Variants in NBEA observed in about 807,000 individuals in gnomAD.
NBEA encodes the protein lysosomal-trafficking regulator 2.
NBEA carries 44 observed loss-of-function variants against 343.4 expected under a neutral mutation model. The ratio of observed to expected loss-of-function variants is 0.13; its 90% CI spans 0.10 to 0.16. The LOEUF (loss-of-function observed/expected upper bound fraction) is 0.16, where lower values mean the gene tolerates loss of function less well. Ranked by LOEUF, NBEA falls within the 10% of genes least tolerant of loss-of-function variation. NBEA has a pLI of 1.00. For missense variants in NBEA, 2,555 were observed against 3,631.3 expected (o/e 0.70, Z 7.62); for synonymous variants, 1,175 against 1,238.7 (o/e 0.95, Z 1.08).
chr13:35,195,630 C>T (rs546553966), intron 30 of NBEA, among the ~76,000 whole-genome samples: 1 of 152,154 alleles, frequency 6.6e-6, no homozygotes, highest in South Asian at 2.1e-4. Flanking sequence ...CTCCTGACCT[C>T]AGGTGATCCA....
intron 40 of NBEA, among the ~76,000 whole-genome samples, chr13:35,470,837 T>C (rs886098517): frequency 1.3e-5 from 2 of 152,218 alleles, no homozygotes; most frequent in Admixed American, 1.3e-4. Context: ...CCAAATCCAC[T>C]TGTAATCGTA....
At chr13:35,094,490 A>G (rs1174593101) in intron 10 of NBEA, among the ~76,000 whole-genome samples, 1 of 152,078 alleles carries the variant, frequency 6.6e-6, no homozygotes, top group Admixed American at 6.6e-5. Flanking sequence ...TGACTGCTAA[A>G]TATACCTGGA....
intron 35 of NBEA, among the ~76,000 whole-genome samples, chr13:35,296,164 G>A (rs1352052791): frequency 6.6e-6 from 1 of 152,014 alleles, no homozygotes; most frequent in East Asian, 1.9e-4. Flanking sequence ...GGCCAAGGCA[G>A]GTGGATCATG....
intron 38 of NBEA, among the ~76,000 whole-genome samples, chr13:35,384,589 G>C (rs1394225721): frequency 6.8e-6 from 1 of 148,098 alleles, no homozygotes; most frequent in Non-Finnish European, 1.5e-5. Context: ...GCAGTGGTGC[G>C]ATCTTGGCTC....
intron 41 of NBEA, among the ~76,000 whole-genome samples, chr13:35,521,081 T>C (rs1871286450): frequency 6.6e-6 from 1 of 152,130 alleles, no homozygotes; most frequent in African/African-American, 2.4e-5. Flanking sequence ...AGGCCTTGTT[T>C]TGGTTTCAAA....
intron 48 of NBEA, among the ~76,000 whole-genome samples, chr13:35,611,575 T>C (rs7992253): frequency 0.22 from 34,164 of 152,138 alleles, 4,038 homozygotes; most frequent in Non-Finnish European, 0.24. Context: ...CCAGAAAGAT[T>C]CCCTGCCCAC....
At chr13:35,313,236 A>G (rs1469858208) in intron 36 of NBEA, among the ~76,000 whole-genome samples, 1 of 152,218 alleles carries the variant, frequency 6.6e-6, no homozygotes. Flanking sequence ...CTCCCATGAC[A>G]TAATCCTCTT....
intron 40 of NBEA, among the ~76,000 whole-genome samples, chr13:35,467,342 T>G (rs559319878): frequency 1.1e-4 from 17 of 152,080 alleles, no homozygotes; most frequent in African/African-American, 7.2e-5. Context: ...CATGGTGGTA[T>G]GCACCTGTAA....
At chr13:35,530,078 C>G (rs1333185220) in intron 41 of NBEA, among the ~76,000 whole-genome samples, 1 of 152,092 alleles carries the variant, frequency 6.6e-6, no homozygotes, top group Non-Finnish European at 1.5e-5. Context: ...TCAAAGTAAG[C>G]TTTGTATCTG....
At chr13:35,547,730 A>G (rs1281243789) in intron 41 of NBEA, among the ~76,000 whole-genome samples, 1 of 152,148 alleles carries the variant, frequency 6.6e-6, no homozygotes, top group Non-Finnish European at 1.5e-5. Flanking sequence ...TCTACTAAAA[A>G]TACAAAAATT....
At chr13:35,066,973 A>C (rs896146529) in intron 8 of NBEA, among the ~76,000 whole-genome samples, 23 of 151,974 alleles carry the variant, frequency 1.5e-4, no homozygotes, top group African/African-American at 5.3e-4. Context: ...CTTACCATAT[A>C]CATCTTAACT....
At chr13:35,119,490 GTGA>G (rs2066674455) in intron 16 of NBEA, among the ~76,000 whole-genome samples, 1 of 152,158 alleles carries the variant, frequency 6.6e-6, no homozygotes, top group Non-Finnish European at 1.5e-5. Context: ...TATCTCAGTT[GTGA>G]TATGAGTATT....
intron 34 of NBEA, among the ~76,000 whole-genome samples, chr13:35,289,496 A>G (rs1187276417): frequency 1.3e-5 from 2 of 151,868 alleles, no homozygotes; most frequent in East Asian, 3.8e-4. Context: ...AAAAACTACC[A>G]ATTAAGATCT....
chr13:35,492,172 A>G (rs1479149613), intron 41 of NBEA, among the ~76,000 whole-genome samples: 1 of 151,966 alleles, frequency 6.6e-6, no homozygotes, highest in Non-Finnish European at 1.5e-5. Context: ...ACAATGACAC[A>G]GTGGAGTTTG....
intron 41 of NBEA, among the ~76,000 whole-genome samples, chr13:35,496,714 G>A (rs1466452838): frequency 6.6e-6 from 1 of 151,638 alleles, no homozygotes; most frequent in Non-Finnish European, 1.5e-5. Context: ...CTTCTAGCAA[G>A]GATAAGTTTA....
chr13:35,129,343 A>G (rs1250236690), intron 17 of NBEA, among the ~76,000 whole-genome samples: 1 of 152,160 alleles, frequency 6.6e-6, no homozygotes, highest in Non-Finnish European at 1.5e-5. Flanking sequence ...TGTGCACACA[A>G]AAGTAAGGGA....
chr13:35,136,650 TG>T (rs2067746999), intron 17 of NBEA, among the ~76,000 whole-genome samples: 1 of 152,240 alleles, frequency 6.6e-6, no homozygotes, highest in Admixed American at 6.5e-5. Context: ...AACATTTGGC[TG>T]GCCTCAGACT....
At chr13:35,290,698 G>A (rs180891406) in intron 35 of NBEA, among the ~76,000 whole-genome samples, 72 of 150,260 alleles carry the variant, frequency 4.8e-4, no homozygotes, top group South Asian at 1.7e-3. Context: ...CTACCCTTTC[G>A]ATTCTTCCAT....
At chr13:35,248,101 A>G (rs1297850906) in intron 34 of NBEA, among the ~76,000 whole-genome samples, 2 of 152,194 alleles carry the variant, frequency 1.3e-5, no homozygotes, top group Admixed American at 1.3e-4. Flanking sequence ...AATATTTGCA[A>G]ACTCATAATA....
Sources: gnomAD v4.1 joint callset for allele counts (sites outside exome capture counted in the v4.1 genomes callset) on GRCh38, gnomAD v4.1.1 for gene constraint, MANE v1.5 for transcripts, NCBI Gene and HGNC (gene_info 2026-07-23, HGNC 2026-07-21) for gene names.